BAIAP2L2: variants seen among roughly 807,000 people sequenced by gnomAD.
BAIAP2L2 encodes BAR/IMD domain-containing adapter protein 2-like 2.
Under a neutral mutation model 60.4 loss-of-function variants are expected in BAIAP2L2, and 65 were observed. The observed-to-expected ratio is 1.08, with a 90% CI of 0.88 to 1.32. The LOEUF (loss-of-function observed/expected upper bound fraction) is 1.32, where lower values mean the gene tolerates loss of function less well. Among genes scored for constraint, BAIAP2L2 ranks in the 40% most tolerant of loss-of-function variants. BAIAP2L2 has a pLI of 0.00. For missense variants in BAIAP2L2, 836 were observed against 741.2 expected (o/e 1.13, Z -1.48); for synonymous variants, 344 against 301.7 (o/e 1.14, Z -1.45).
chr22:38,108,551 T>A (rs1030028640), intron 2 of BAIAP2L2, among the ~76,000 whole-genome samples: 1 of 151,884 alleles, frequency 6.6e-6, no homozygotes, highest in African/African-American at 2.4e-5. Flanking sequence ...GTGGAAAGCA[T>A]CTAAGAAGCA....
intron 4 of BAIAP2L2, among the ~76,000 whole-genome samples, chr22:38,102,754 G>T (rs2086591164): frequency 6.6e-6 from 1 of 151,934 alleles, no homozygotes; most frequent in African/African-American, 2.4e-5. Flanking sequence ...AATTATCCAG[G>T]CACGGCCGGG....
intron 7 of BAIAP2L2, among the ~76,000 whole-genome samples, chr22:38,094,232 C>T (rs1160555939): frequency 6.6e-6 from 1 of 152,034 alleles, no homozygotes; most frequent in African/African-American, 2.4e-5. Context: ...CTTGTCCAGG[C>T]CGGAGTGCAG....
In BAIAP2L2 at chr22:38,087,153, G is replaced by GGGTGTCATA. The variant is rs987210378; in HGVS notation, c.1229_1230insTATGACACC (p.Thr409_Met411dup). 14 of 1,601,362 alleles carry GGGTGTCATA rather than the reference G, an allele frequency of 8.7e-6. No homozygotes were observed. The highest frequency in any genetic ancestry group is 3.4e-5 in the South Asian group (3 of 89,122). The stretch of plus-strand genomic sequence containing the variant: ...AAGGCAGCTCGTTCCCGGGGTTCAT[G>GGGTGTCATA]GGTGTCATGGGGGACATGGAGGTCA... On this transcript the variant is annotated inframe_insertion, in exon 11 of 14. Transcript: ENST00000381669.
Position 38,087,127 on chromosome 22 carries a change from G to A in BAIAP2L2, c.1256C>T (p.Ser419Phe). 1 of 1,572,454 alleles carries A rather than the reference G, an allele frequency of 6.4e-7. No individual in the cohort carries two copies. The highest frequency in any genetic ancestry group is 8.6e-7 in the Non-Finnish European group (1 of 1,161,494). ...TPMNPGNELP[S>F]RSYPLRGSHS... ...CCACCCCTGATGACTCAGGTACCTGGAAGGCAGCTCGTTCCCGGGGTTCAT... is the reference window on the plus strand; with the variant it reads ...CCACCCCTGATGACTCAGGTACCTGAAAGGCAGCTCGTTCCCGGGGTTCAT... Residue 419 changes from serine to phenylalanine, a missense_variant, in exon 11 of 14, where the codon TCC (serine) becomes TTC (phenylalanine). Physicochemically the swap from Ser to Phe is radical, Grantham distance 155 (BLOSUM62 -2). Coordinates refer to ENST00000381669, the MANE Select transcript of BAIAP2L2 (RefSeq NM_025045.6).
At chr22:38,108,475 T>G (rs2145638206) in intron 2 of BAIAP2L2, 134 bp from the exon 3 acceptor site, 1 of 666,500 alleles carries the variant, frequency 1.5e-6, no homozygotes, top group East Asian at 2.8e-5. Context: ...GAGGAGGGTG[T>G]GACCAGTTGA....
intron 7 of BAIAP2L2, among the ~76,000 whole-genome samples, chr22:38,094,512 G>A (rs1337400100): frequency 6.6e-6 from 1 of 152,108 alleles, no homozygotes; most frequent in East Asian, 1.9e-4. Context: ...GTGGTGGAGG[G>A]TATTGAAAAT....
At chr22:38,107,714 C>A in intron 4 of BAIAP2L2, 138 bp downstream of exon 4, 1 of 765,108 alleles carries the variant, frequency 1.3e-6, no homozygotes, top group Admixed American at 2.0e-5. Flanking sequence ...GGGAACCGTG[C>A]CCCACAGAGC....
chr22:38,099,147 C>T (rs749298722), intron 4 of BAIAP2L2, among the ~76,000 whole-genome samples: 20 of 152,216 alleles, frequency 1.3e-4, no homozygotes, highest in Non-Finnish European at 2.8e-4. Flanking sequence ...TCAGAAGCTT[C>T]GTCCTCATTC....
intron 4 of BAIAP2L2, among the ~76,000 whole-genome samples, chr22:38,098,985 C>G (rs1281666225): frequency 1.3e-5 from 2 of 152,220 alleles, no homozygotes; most frequent in African/African-American, 4.8e-5. Flanking sequence ...CATGGCTCAC[C>G]TCTGTGTCCT....
At chr22:38,104,336 G>C (rs1482717699) in intron 4 of BAIAP2L2, among the ~76,000 whole-genome samples, 1 of 152,168 alleles carries the variant, frequency 6.6e-6, no homozygotes, top group Non-Finnish European at 1.5e-5. Context: ...TCCGGATCCA[G>C]AGGACAGAGA....
At chr22:38,086,619 G>A (rs1025102818) in intron 11 of BAIAP2L2, among the ~76,000 whole-genome samples, 170 bp from the exon 12 acceptor site, 2 of 151,766 alleles carry the variant, frequency 1.3e-5, no homozygotes, top group Admixed American at 1.3e-4. Context: ...GCAGAGGGAT[G>A]GACGCAGTGA....
intron 4 of BAIAP2L2, among the ~76,000 whole-genome samples, chr22:38,107,076 C>G: frequency 6.6e-6 from 1 of 152,106 alleles, no homozygotes; most frequent in Non-Finnish European, 1.5e-5. Flanking sequence ...TATTATGATT[C>G]TCTCCATTCC....
chr22:38,095,601 G>A (rs993347504), intron 7 of BAIAP2L2, among the ~76,000 whole-genome samples: 5 of 152,156 alleles, frequency 3.3e-5, no homozygotes, highest in African/African-American at 1.2e-4. Context: ...CTGACCTCAA[G>A]CGATCCACCC....
At chr22:38,089,967 C>T (rs2086241923) in intron 7 of BAIAP2L2, among the ~76,000 whole-genome samples, 1 of 152,054 alleles carries the variant, frequency 6.6e-6, no homozygotes, top group South Asian at 2.1e-4. Flanking sequence ...AGGGGTGGCA[C>T]CCAGGCCTGG....
intron 4 of BAIAP2L2, among the ~76,000 whole-genome samples, chr22:38,103,986 T>C (rs2086614646): frequency 1.3e-5 from 2 of 152,076 alleles, no homozygotes; most frequent in Non-Finnish European, 2.9e-5. Context: ...TTGATTATAG[T>C]AAATAAAAGT....
At chr22:38,108,072 G>A (rs984544701) in intron 3 of BAIAP2L2, among the ~76,000 whole-genome samples, 159 bp from the exon 4 acceptor site, 2 of 152,170 alleles carry the variant, frequency 1.3e-5, no homozygotes, top group Admixed American at 1.3e-4. Flanking sequence ...GCCAGGCCAT[G>A]TGTGTCCCAG....
chr22:38,092,754 C>T (rs1326229497), intron 7 of BAIAP2L2, among the ~76,000 whole-genome samples: 7 of 137,820 alleles, frequency 5.1e-5, no homozygotes, highest in Admixed American at 3.9e-4. Flanking sequence ...ATCTGACCCC[C>T]CAGTGTTGGA....
chr22:38,098,093 G>A lies in BAIAP2L2; in HGVS notation c.435C>T (p.Arg145=). The change falls in exon 6 of 14, where the codon CGC becomes CGT. Residue 145 remains arginine, a synonymous_variant. Coordinates refer to ENST00000381669, the MANE Select transcript of BAIAP2L2 (RefSeq NM_025045.6). ...TCTCCCGCACGTTCTTGTCTCTCTT[G>A]CGCTCCATGCGCCACAGCTCAGACA... ...KCMSELWRME[R]KRDKNVREMK... is the part of the protein sequence containing the mutation. The A allele has an allele frequency of 6.9e-7, 1 of 1,452,662 alleles. No homozygotes were observed. The allele number at this position is 1,452,662 out of a possible 1,614,324, so 90.0% of individuals were successfully genotyped here.
At position 38,108,348 on chromosome 22, in the gene BAIAP2L2, AC is replaced by A; in HGVS notation, c.128-8del. The A allele has an allele frequency of 6.2e-7, 1 of 1,610,364 alleles. No homozygotes were observed. The highest frequency in any genetic ancestry group is 8.5e-7 in the Non-Finnish European group (1 of 1,178,628). ...TCGGCCGCCTCGGACAGAGCTGTGG[AC>A]CAGAAGGGACAGGTCTGGTCCAGCC... On this transcript the variant is annotated splice_polypyrimidine_tract_variant and splice_region_variant and intron_variant, in intron 2 of 13. Transcript: ENST00000381669.
Sources: gnomAD v4.1 joint callset for allele counts (sites outside exome capture counted in the v4.1 genomes callset) on GRCh38, gnomAD v4.1.1 for gene constraint, MANE v1.5 for transcripts, NCBI Gene and HGNC (gene_info 2026-07-23, HGNC 2026-07-21) for gene names.